Variants in SERF2 observed in about 807,000 individuals in gnomAD.
SERF2 encodes gastric cancer-related protein VRG107.
In SERF2, 4 loss-of-function variants were observed where a neutral mutation model predicts 10.7. That is an observed-to-expected ratio of 0.37 (90% CI 0.18 to 0.86). The LOEUF (loss-of-function observed/expected upper bound fraction) is 0.86. Among genes scored for constraint, SERF2 ranks in the 40% least tolerant of loss-of-function variants. The pLI is 0.43. For missense variants in SERF2, 47 were observed against 79.1 expected, an observed-to-expected ratio of 0.59 and a Z score of 1.54; for synonymous variants, 26 against 26.0, an observed-to-expected ratio of 1.00 and a Z score of 0.01.
chr15:43,782,739 A>G (rs1183463704), intron 1 of SERF2, among the ~76,000 whole-genome samples: 1 of 151,972 alleles, frequency 6.6e-6, no homozygotes, highest in Admixed American at 6.6e-5. Context: ...TTACTCCCTC[A>G]TTTTGGTGCA....
chr15:43,792,668 G>T (rs903829177), intron 1 of SERF2: 3 of 1,328,028 alleles, frequency 2.3e-6, no homozygotes, highest in Admixed American at 2.9e-5. Flanking sequence ...CCACAAGCCA[G>T]CCCATCCCCC....
At chr15:43,783,423 G>C (rs1239585868) in intron 1 of SERF2, among the ~76,000 whole-genome samples, 1 of 151,130 alleles carries the variant, frequency 6.6e-6, no homozygotes, top group African/African-American at 2.4e-5. Flanking sequence ...TCAGCCTCTT[G>C]AGTAGCTGGG....
rs2086991635 is a variant in SERF2, at chr15:43,784,742, C to T, written c.-526-668C>T. 2.0e-5 allele frequency among the ~76,000 whole-genome samples: 3 copies of T among 151,094 alleles called. No homozygotes were observed. The South Asian group carries it at 6.3e-4, about 32-fold the overall frequency. Reference sequence around the variant, plus strand: ...AAGTGCTGGGATTACAGGTGTGAGCCACCGCGCCCGGCCCTAATTAATTTT... The same window carrying T: ...AAGTGCTGGGATTACAGGTGTGAGCTACCGCGCCCGGCCCTAATTAATTTT... On this transcript the variant is annotated intron_variant, in intron 1 of 4. Transcript: ENST00000381359.
chr15:43,792,496 G>A, intron 1 of SERF2, 113 bp downstream of exon 1: 2 of 1,589,776 alleles, frequency 1.3e-6, no homozygotes, highest in Middle Eastern at 1.7e-4. Context: ...GTTTCTCTGG[G>A]CGCGCTCTGT....
rs1309566110 is a variant in SERF2, at chr15:43,794,758, G to C, written c.*985G>C. 2.1e-6 allele frequency: 1 copy of C among 472,938 alleles called. No homozygotes were observed. The allele number at this position is 472,938 out of a possible 1,614,324, so 29.3% of individuals were successfully genotyped here. On this transcript the variant is annotated 3_prime_UTR_variant, in exon 3 of 3. Coordinates refer to ENST00000249786, the MANE Select transcript of SERF2 (RefSeq NM_001018108.4). ...GGGATCAGCGGTGGTTCTTTGAGCTGCTGATTTGGGTGTTAGGCTCTTGAG... is the reference window on the plus strand; with the variant it reads ...GGGATCAGCGGTGGTTCTTTGAGCTCCTGATTTGGGTGTTAGGCTCTTGAG...
intron 1 of SERF2, among the ~76,000 whole-genome samples, chr15:43,781,974 T>C (rs918496274): frequency 2.2e-4 from 34 of 151,786 alleles, no homozygotes; most frequent in South Asian, 8.3e-4. Flanking sequence ...CTGCAACCTC[T>C]GCCTCCCGGG....
intron 1 of SERF2, among the ~76,000 whole-genome samples, chr15:43,779,648 T>C (rs913764571): frequency 3.3e-5 from 5 of 151,878 alleles, no homozygotes; most frequent in African/African-American, 1.2e-4. Flanking sequence ...CGTGCCACCA[T>C]ACCTAGCAAT....
Position 43,795,035 on chromosome 15 carries a change from T to C in SERF2, c.*1262T>C. The C allele has an allele frequency of 6.2e-7, 1 of 1,610,868 alleles. No homozygotes were observed. Among genetic ancestry groups the C allele is most frequent in the Non-Finnish European group, 8.5e-7 (1 of 1,179,154 alleles). ...GGATATTTGTTATCTGGGGATATGATGCGGTGGCGGCGGCGCCTCAAGATA... is the reference window on the plus strand; with the variant it reads ...GGATATTTGTTATCTGGGGATATGACGCGGTGGCGGCGGCGCCTCAAGATA... On this transcript the variant is annotated 3_prime_UTR_variant, in exon 3 of 3. Transcript: ENST00000249786.
intron 2 of SERF2, among the ~76,000 whole-genome samples, chr15:43,786,995 C>T (rs950212394): frequency 3.2e-4 from 37 of 114,344 alleles, no homozygotes; most frequent in African/African-American, 1.0e-3. Flanking sequence ...GGCCTGGGTT[C>T]GTTTTTTTGT....
chr15:43,792,554 C>T, intron 1 of SERF2, 171 bp downstream of exon 1: 4 of 1,491,090 alleles, frequency 2.7e-6, no homozygotes, highest in East Asian at 5.0e-5. Context: ...TTGCCCACGG[C>T]TACTTCACGG....
chr15:43,794,662 C>T lies in SERF2; in HGVS notation c.*889C>T, dbSNP rs561234310. On this transcript the variant is annotated 3_prime_UTR_variant, in exon 3 of 3. Transcript: ENST00000249786. ...CCAAGGGCAGAGCCGAGTCTTCAGT[C>T]CCTGTTGGTCTTTCCCCACCCCCAC... is the stretch of plus-strand genomic sequence containing the variant. The T allele has an allele frequency of 7.9e-6, 2 of 252,120 alleles. No individual in the cohort carries two copies. The highest frequency in any genetic ancestry group is 7.8e-5 in the East Asian group (1 of 12,842). The allele number at this position is 252,120 out of a possible 1,614,324, so 15.6% of individuals were successfully genotyped here.
upstream of SERF2, chr15:43,792,260 G>T (rs992048927): frequency 6.7e-6 from 6 of 897,630 alleles, no homozygotes; most frequent in Admixed American, 7.3e-5. Context: ...GCTCCCGGGC[G>T]CGAAGGGGCG....
chr15:43,793,645 T>A (rs1298847802), intron 2 of SERF2, 65 bp from the exon 3 acceptor site: 1 of 1,613,400 alleles, frequency 6.2e-7, no homozygotes, highest in East Asian at 2.2e-5. Flanking sequence ...GTGCCCTTCA[T>A]CCCCCTGCAT....
chr15:43,795,302 C>A lies in SERF2; in HGVS notation c.*1529C>A. 1 of 1,590,384 alleles carries A rather than the reference C, an allele frequency of 6.3e-7. No individual in the cohort carries two copies. Among genetic ancestry groups the A allele is most frequent in the African/African-American group, 1.3e-5 (1 of 74,494 alleles). On this transcript the variant is annotated 3_prime_UTR_variant, in exon 3 of 3. Coordinates refer to ENST00000249786, the MANE Select transcript of SERF2 (RefSeq NM_001018108.4). Reference sequence around the variant, plus strand: ...TCCTCACCAAATATAATGGCAGACCCATGTGTGTCTGGAATGGCCTTGAAT... The same window carrying A: ...TCCTCACCAAATATAATGGCAGACCAATGTGTGTCTGGAATGGCCTTGAAT...
At chr15:43,789,656 T>G (rs1447471874), upstream of SERF2, among the ~76,000 whole-genome samples, 1 of 152,218 alleles carries the variant, frequency 6.6e-6, no homozygotes, top group East Asian at 1.9e-4. Flanking sequence ...CGAAACATTT[T>G]GAATATCATC....
chr15:43,792,211 C>A, upstream of SERF2: 1 of 672,518 alleles, frequency 1.5e-6, no homozygotes, highest in Non-Finnish European at 2.7e-6. Context: ...CAAGCACGAC[C>A]CGTGGATCCA....
At chr15:43,783,084 T>A (rs112131359) in intron 1 of SERF2, among the ~76,000 whole-genome samples, 1,535 of 148,300 alleles carry the variant, frequency 0.01, 19 homozygotes, top group African/African-American at 0.036. Flanking sequence ...TTCAGCTCAC[T>A]GCAATCTCCA....
upstream of SERF2, among the ~76,000 whole-genome samples, chr15:43,789,792 G>T (rs932299145): frequency 1.3e-5 from 2 of 152,050 alleles, no homozygotes; most frequent in African/African-American, 4.8e-5. Flanking sequence ...TAGATCACTT[G>T]AGGTCAGGAG....
At chr15:43,792,719 T>C in intron 1 of SERF2, 1 of 982,964 alleles carries the variant, frequency 1.0e-6, no homozygotes, top group African/African-American at 1.6e-5. Context: ...GCCAGCTGTT[T>C]GGGCCCCACG....
Sources: gnomAD v4.1 joint callset for allele counts (sites outside exome capture counted in the v4.1 genomes callset) on GRCh38, gnomAD v4.1.1 for gene constraint, MANE v1.5 for transcripts, NCBI Gene and HGNC (gene_info 2026-07-23, HGNC 2026-07-21) for gene names.